STRN: variants seen among roughly 807,000 people sequenced by gnomAD.
STRN encodes protein phosphatase 2 regulatory subunit B'''alpha.
A neutral mutation model predicts 96.3 loss-of-function variants in STRN; 53 were observed. The observed-to-expected ratio is 0.55, with a 90% CI of 0.44 to 0.69. The LOEUF (loss-of-function observed/expected upper bound fraction) is 0.69. Among genes scored for constraint, STRN ranks in the 30% least tolerant of loss-of-function variants. The pLI, the probability that STRN is intolerant of heterozygous loss-of-function variation, is 0.00. For missense variants in STRN, 987 were observed against 963.9 expected (o/e 1.02, Z -0.32); for synonymous variants, 428 against 355.9 (o/e 1.20, Z -2.28).
intron 7 of STRN, among the ~76,000 whole-genome samples, chr2:36,887,687 T>C (rs533761596): frequency 6.6e-6 from 1 of 152,296 alleles, no homozygotes; most frequent in African/African-American, 2.4e-5. Context: ...TACATAGCAT[T>C]TGAAAAATTT....
At chr2:36,898,285 A>G (rs1052462141) in intron 6 of STRN, among the ~76,000 whole-genome samples, 2 of 152,242 alleles carry the variant, frequency 1.3e-5, no homozygotes, top group Admixed American at 6.5e-5. Context: ...CCAGATGATC[A>G]GGACACAGAA....
intron 1 of STRN, among the ~76,000 whole-genome samples, chr2:36,958,977 A>G (rs1432547995): frequency 2.6e-5 from 4 of 152,056 alleles, no homozygotes; most frequent in Non-Finnish European, 5.9e-5. Context: ...TTAGCAGGGC[A>G]TGGTGGCGGG....
rs781082634 is a variant in STRN, at chr2:36,867,837, A to G, written c.1524T>C (p.Pro508=). The change falls in exon 12 of 18, where the codon CCT becomes CCC. Residue 508 remains proline (P), a synonymous_variant. Transcript: ENST00000263918. Reference sequence around the variant, plus strand: ...ACTTATGGGCTCTGAATGTATAGATAGGTTCTACATCAAGAGAAGTGCTCC... The same window carrying G: ...ACTTATGGGCTCTGAATGTATAGATGGGTTCTACATCAAGAGAAGTGCTCC... ...AKKSTSLDVE[P]IYTFRAHKGP... 1.3e-6 allele frequency: 2 copies of G among 1,593,834 alleles called. No homozygotes were observed. The highest frequency in any genetic ancestry group is 1.7e-6 in the Non-Finnish European group (2 of 1,171,476).
chr2:36,897,338 A>C (rs1669567541), intron 6 of STRN, among the ~76,000 whole-genome samples: 1 of 152,074 alleles, frequency 6.6e-6, no homozygotes, highest in Admixed American at 6.5e-5. Flanking sequence ...ATGTGAGTGT[A>C]GCTGTGCAAA....
At chr2:36,889,236 G>A (rs900758955) in intron 7 of STRN, among the ~76,000 whole-genome samples, 1 of 152,090 alleles carries the variant, frequency 6.6e-6, no homozygotes, top group African/African-American at 2.4e-5. Context: ...ATAATAAACA[G>A]AAATCTGTTT....
At chr2:36,952,895 T>C (rs1353278018) in intron 1 of STRN, among the ~76,000 whole-genome samples, 1 of 152,222 alleles carries the variant, frequency 6.6e-6, no homozygotes, top group Non-Finnish European at 1.5e-5. Context: ...GTTGTGCCTA[T>C]AATTTAAGCT....
intron 12 of STRN, among the ~76,000 whole-genome samples, chr2:36,863,389 A>G (rs918345750): frequency 2.0e-5 from 3 of 152,228 alleles, no homozygotes; most frequent in Non-Finnish European, 2.9e-5. Context: ...AATCTTCTGC[A>G]TATGGCTAGC....
intron 10 of STRN, among the ~76,000 whole-genome samples, chr2:36,874,786 T>A (rs1668859408): frequency 7.1e-6 from 1 of 141,386 alleles, no homozygotes. Context: ...GTTGACCCAC[T>A]CAGGCTAAAC....
At chr2:36,910,459 G>A (rs1669937656) in intron 3 of STRN, among the ~76,000 whole-genome samples, 1 of 152,124 alleles carries the variant, frequency 6.6e-6, no homozygotes, top group Admixed American at 6.5e-5. Flanking sequence ...CACAAAGACT[G>A]GGAAGAGGAG....
At chr2:36,956,711 T>TA (rs972054409) in intron 1 of STRN, among the ~76,000 whole-genome samples, 3 of 152,230 alleles carry the variant, frequency 2.0e-5, no homozygotes, top group African/African-American at 7.2e-5. Context: ...AGAAAAACTG[T>TA]AGGTCTCCCT....
At chr2:36,875,574 A>T (rs201652817) in intron 10 of STRN, among the ~76,000 whole-genome samples, 1 of 1,362 alleles carries the variant, frequency 7.3e-4, no homozygotes, top group African/African-American at 7.5e-4. Context: ...AAAAATTACC[A>T]AAAAAAAAGC....
At chr2:36,887,879 A>T (rs1669281807) in intron 7 of STRN, among the ~76,000 whole-genome samples, 1 of 152,218 alleles carries the variant, frequency 6.6e-6, no homozygotes, top group Non-Finnish European at 1.5e-5. Flanking sequence ...TAAATACTAT[A>T]TAATGCTATG....
intron 1 of STRN, among the ~76,000 whole-genome samples, chr2:36,948,732 G>A (rs1381791890): frequency 6.6e-6 from 1 of 152,116 alleles, no homozygotes; most frequent in Non-Finnish European, 1.5e-5. Context: ...ACAGTACAAG[G>A]TAGCACACCC....
At chr2:36,878,305 T>C (rs1558633993) in intron 9 of STRN, among the ~76,000 whole-genome samples, 1 of 152,274 alleles carries the variant, frequency 6.6e-6, no homozygotes, top group East Asian at 1.9e-4. Context: ...AGAAAAATAA[T>C]GACTATAGGA....
chr2:36,936,619 A>C (rs934369352), intron 1 of STRN, among the ~76,000 whole-genome samples: 3 of 152,234 alleles, frequency 2.0e-5, no homozygotes, highest in African/African-American at 7.2e-5. Context: ...CTTTCAATAC[A>C]ATGATGAAGC....
At chr2:36,878,476 T>G (rs943487999) in intron 9 of STRN, among the ~76,000 whole-genome samples, 4 of 152,194 alleles carry the variant, frequency 2.6e-5, no homozygotes, top group Non-Finnish European at 2.9e-5. Context: ...GTCAAATTCT[T>G]AAATGTGCCT....
At chr2:36,918,436 A>C (rs2148222035) in intron 2 of STRN, among the ~76,000 whole-genome samples, 1 of 152,106 alleles carries the variant, frequency 6.6e-6, no homozygotes, top group South Asian at 2.1e-4. Context: ...GTAGCAATAA[A>C]ATGTTATGGA....
intron 7 of STRN, among the ~76,000 whole-genome samples, chr2:36,893,643 G>A (rs1439732100): frequency 6.6e-6 from 1 of 152,072 alleles, no homozygotes; most frequent in East Asian, 1.9e-4. Flanking sequence ...ACAGAAAACA[G>A]AGAATATTCT....
chr2:36,869,316 T>C (rs1425036997), intron 11 of STRN, among the ~76,000 whole-genome samples: 1 of 152,218 alleles, frequency 6.6e-6, no homozygotes, highest in Non-Finnish European at 1.5e-5. Context: ...GTATAAAGAC[T>C]GTAATCAGTA....
Sources: allele counts gnomAD v4.1 joint callset (sites outside exome capture counted in the v4.1 genomes callset), GRCh38; gene constraint gnomAD v4.1.1; transcripts MANE v1.5; gene names NCBI Gene and HGNC (gene_info 2026-07-23, HGNC 2026-07-21).